Variants in ZFAND6 observed in about 807,000 individuals in gnomAD.
ZFAND6 encodes the protein AN1-type zinc finger protein 6.
ZFAND6 carries 12 observed loss-of-function variants against 24.5 expected under a neutral mutation model. The ratio of observed to expected loss-of-function variants is 0.49; its 90% CI spans 0.31 to 0.79. The LOEUF (loss-of-function observed/expected upper bound fraction) is 0.79, where lower values mean the gene tolerates loss of function less well. Ranked by LOEUF, ZFAND6 falls within the 30% of genes least tolerant of loss-of-function variation. ZFAND6 has a pLI of 0.04. For missense variants in ZFAND6, 207 were observed against 245.9 expected (o/e 0.84, Z 1.06); for synonymous variants, 92 against 81.5 (o/e 1.13, Z -0.69).
At chr15:80,099,572 G>A in intron 2 of ZFAND6, among the ~76,000 whole-genome samples, 1 of 143,980 alleles carries the variant, frequency 6.9e-6, no homozygotes, top group African/African-American at 2.5e-5. Context: ...CAGTGAATGA[G>A]AAAACATTTA....
rs766468838 is a variant in ZFAND6, at chr15:80,120,355, A to G, written c.11A>G (p.Glu4Gly). Residue 4 changes from glutamate to glycine, a missense_variant, in exon 3 of 7, where the codon GAA becomes GGA. This residue lies in a region of ZFAND6 where 29 missense variants were observed against 55.4 expected (regional missense o/e 0.52). Coordinates refer to ENST00000261749, the MANE Select transcript of ZFAND6 (RefSeq NM_019006.4). MAQ[E>G]TNHSQVPMLC... ...GTGCAACTGAGGAACATGGCTCAAG[A>G]AACTAATCACAGCCAAGTGCCTATG... The G allele has an allele frequency of 5.7e-6, 9 of 1,574,448 alleles. No homozygotes were observed. The highest frequency in any genetic ancestry group is 6.9e-6 in the Non-Finnish European group (8 of 1,158,532).
chr15:80,095,976 A>G (rs1416855974), intron 1 of ZFAND6, among the ~76,000 whole-genome samples: 2 of 152,226 alleles, frequency 1.3e-5, no homozygotes, highest in Non-Finnish European at 2.9e-5. Flanking sequence ...CTAATTCCAG[A>G]TACAGTTTGA....
chr15:80,069,105 A>G (rs1056562473), intron 1 of ZFAND6, among the ~76,000 whole-genome samples: 2 of 152,094 alleles, frequency 1.3e-5, no homozygotes, highest in Non-Finnish European at 2.9e-5. Flanking sequence ...TTTATGTAAT[A>G]TTTTATTTAT....
intron 1 of ZFAND6, among the ~76,000 whole-genome samples, chr15:80,091,348 G>C (rs543105732): frequency 6.6e-6 from 1 of 152,214 alleles, no homozygotes; most frequent in East Asian, 1.9e-4. Context: ...TGGATGGTTT[G>C]TATGTGATTA....
At chr15:80,096,416 T>G (rs114352219) in intron 1 of ZFAND6, among the ~76,000 whole-genome samples, 1,995 of 152,312 alleles carry the variant, frequency 0.013, 36 homozygotes, top group African/African-American at 0.045. Context: ...GGACAAATAT[T>G]TTAACTTATT....
chr15:80,111,208 T>C (rs1199788636), intron 2 of ZFAND6, among the ~76,000 whole-genome samples: 1 of 152,210 alleles, frequency 6.6e-6, no homozygotes, highest in Non-Finnish European at 1.5e-5. Flanking sequence ...ATAAATCATG[T>C]CTGGGGATAC....
chr15:80,108,229 TA>T (rs2039435902), intron 2 of ZFAND6, among the ~76,000 whole-genome samples: 1 of 152,164 alleles, frequency 6.6e-6, no homozygotes, highest in East Asian at 1.9e-4. Flanking sequence ...AGAATGACCA[TA>T]TATTAAACTT....
chr15:80,131,763 A>G (rs2142053709), intron 6 of ZFAND6, among the ~76,000 whole-genome samples: 1 of 152,370 alleles, frequency 6.6e-6, no homozygotes, highest in African/African-American at 2.4e-5. Context: ...TATCAGATGC[A>G]GATGGTGGTG....
intron 2 of ZFAND6, among the ~76,000 whole-genome samples, 174 bp downstream of exon 2, chr15:80,098,752 A>G (rs1217537574): frequency 2.6e-5 from 4 of 152,126 alleles, no homozygotes; most frequent in Non-Finnish European, 5.9e-5. Flanking sequence ...ATTTTTATTT[A>G]TAAAATAATT....
intron 1 of ZFAND6, among the ~76,000 whole-genome samples, chr15:80,090,992 A>C (rs1198708337): frequency 6.6e-6 from 1 of 152,188 alleles, no homozygotes; most frequent in African/African-American, 2.4e-5. Flanking sequence ...ATGTTTTTCT[A>C]CTGAAATATT....
chr15:80,084,453 A>G (rs2037869896), intron 1 of ZFAND6, among the ~76,000 whole-genome samples: 1 of 152,238 alleles, frequency 6.6e-6, no homozygotes, highest in Non-Finnish European at 1.5e-5. Context: ...GAAAAAGGAT[A>G]TACTTCCTAA....
intron 2 of ZFAND6, among the ~76,000 whole-genome samples, chr15:80,107,227 A>T (rs1454710135): frequency 3.3e-5 from 5 of 152,010 alleles, no homozygotes; most frequent in African/African-American, 1.2e-4. Context: ...AAAAAAAAAT[A>T]GATTTAGTAA....
chr15:80,073,354 A>T, intron 1 of ZFAND6: 2 of 326,268 alleles, frequency 6.1e-6, no homozygotes, highest in South Asian at 2.4e-5. Context: ...ACTTTTTTTT[A>T]AAGTATCTGA....
intron 1 of ZFAND6, among the ~76,000 whole-genome samples, chr15:80,078,326 G>A (rs991941111): frequency 3.9e-5 from 6 of 152,192 alleles, no homozygotes; most frequent in Non-Finnish European, 8.8e-5. Context: ...TTTCTGTCCT[G>A]CATTAATTCA....
intron 2 of ZFAND6, among the ~76,000 whole-genome samples, chr15:80,107,421 C>T (rs774968155): frequency 7.2e-5 from 11 of 152,060 alleles, no homozygotes; most frequent in Non-Finnish European, 1.2e-4. Context: ...GGTTTGGTGC[C>T]GCTGTCTTGA....
At chr15:80,064,549 ACT>A (rs2036507060) in intron 1 of ZFAND6, among the ~76,000 whole-genome samples, 2 of 151,966 alleles carry the variant, frequency 1.3e-5, no homozygotes, top group Non-Finnish European at 2.9e-5. Context: ...TAGGATAGCA[ACT>A]CTGCTATATA....
chr15:80,110,160 G>T (rs2039534985), intron 2 of ZFAND6, among the ~76,000 whole-genome samples: 1 of 152,148 alleles, frequency 6.6e-6, no homozygotes, highest in Admixed American at 6.5e-5. Context: ...TGGAAGATAT[G>T]CCATTACTTC....
At chr15:80,103,060 C>A (rs1234980551) in intron 2 of ZFAND6, among the ~76,000 whole-genome samples, 1 of 152,204 alleles carries the variant, frequency 6.6e-6, no homozygotes, top group African/African-American at 2.4e-5. Flanking sequence ...CAGGTCTAAT[C>A]ACCTTGTCTG....
At chr15:80,099,618 C>CTTTTTTTTTTTT (rs3082079) in intron 2 of ZFAND6, among the ~76,000 whole-genome samples, 15 of 109,190 alleles carry the variant, frequency 1.4e-4, no homozygotes, top group Admixed American at 2.5e-4. Context: ...TATGGATATC[C>CTTTTTTTTTTTT]TTTTTTTTTT....
Sources: allele counts gnomAD v4.1 joint callset (sites outside exome capture counted in the v4.1 genomes callset), GRCh38; gene constraint gnomAD v4.1.1; regional missense constraint gnomAD v4.1.1; transcripts MANE v1.5; gene names NCBI Gene and HGNC (gene_info 2026-07-23, HGNC 2026-07-21).